The following PSAP variants were observed in gnomAD, a reference collection of about 807,000 sequenced individuals.
The protein encoded by PSAP is precursor of saposins.
Under a neutral mutation model 66.0 loss-of-function variants are expected in PSAP, and 25 were observed. The observed-to-expected ratio is 0.38, with a 90% confidence interval of 0.28 to 0.53. PSAP has a LOEUF of 0.53. PSAP is among the 20% of genes least tolerant of loss of function. The pLI is 0.83. For missense variants in PSAP, 649 were observed against 668.8 expected (o/e 0.97, Z 0.33); for synonymous variants, 273 against 258.9 (o/e 1.05, Z -0.52).
At chr10:71,844,019 C>T (rs1053983452) in intron 1 of PSAP, among the ~76,000 whole-genome samples, 2 of 152,204 alleles carry the variant, frequency 1.3e-5, no homozygotes, top group African/African-American at 4.8e-5. Context: ...TCTGTGTTAG[C>T]ATGAAATTAC....
At chr10:71,822,103 T>C (rs568275230) in intron 7 of PSAP, 96 bp from the exon 8 acceptor site, 9 of 1,574,638 alleles carry the variant, frequency 5.7e-6, no homozygotes, top group South Asian at 4.5e-5. Context: ...GACAGCACCC[T>C]GGGCCCAGGT....
Position 71,827,660 on chromosome 10 carries a change from G to C in PSAP, c.720+354C>G, listed in dbSNP as rs1430154410. On this transcript the variant is annotated intron_variant, in intron 6 of 13. Coordinates refer to ENST00000394936, the MANE Select transcript of PSAP (RefSeq NM_002778.4). ...GAGAATCCCTGGAACCCATGAGGTA[G>C]AGGTTGCAGTGAGCTGAGATCACGC... 8.6e-5 allele frequency among the ~76,000 whole-genome samples: 13 copies of C among 150,678 alleles called. No homozygotes were observed. The South Asian group carries it at 1.0e-3, about 12-fold the overall frequency.
chr10:71,819,194 T>C, intron 11 of PSAP, 83 bp from the exon 12 acceptor site: 5 of 1,277,634 alleles, frequency 3.9e-6, no homozygotes, highest in Non-Finnish European at 4.5e-6. Context: ...AGGCCCTGGA[T>C]ACACTGTTCC....
intron 8 of PSAP, among the ~76,000 whole-genome samples, chr10:71,820,662 C>A (rs1314766296): frequency 6.6e-6 from 1 of 151,556 alleles, no homozygotes; most frequent in African/African-American, 2.4e-5. Flanking sequence ...ATCATTTCAT[C>A]ATTCAGGGTT....
intron 7 of PSAP, among the ~76,000 whole-genome samples, chr10:71,825,180 A>G (rs1231938135): frequency 6.6e-6 from 1 of 152,218 alleles, no homozygotes; most frequent in East Asian, 1.9e-4. Context: ...TGGTATGTCA[A>G]TCTCAAGTAG....
intron 3 of PSAP, among the ~76,000 whole-genome samples, chr10:71,831,573 G>T (rs979926256): frequency 6.6e-6 from 1 of 152,220 alleles, no homozygotes; most frequent in African/African-American, 2.4e-5. Context: ...TAGTCCCGGG[G>T]TCAGCAAAGT....
Position 71,829,044 on chromosome 10 carries a change from G to C in PSAP, c.409C>G (p.Leu137Val), listed in dbSNP as rs377027316. Reference protein sequence around the residue: ...RPGEVCSALNLCESLQKHLAE... With the variant: ...RPGEVCSALNVCESLQKHLAE... The stretch of plus-strand genomic sequence containing the variant: ...AGGTGCTTCTGGAGAGACTCGCAGA[G>C]GTTGAGAGCAGAGCACACCTCCCCA... Residue 137 changes from leucine to valine, a missense_variant, in exon 5 of 14, where the codon CTC becomes GTC. Leu to Val is a conservative substitution (Grantham distance 32). Coordinates refer to ENST00000394936, the MANE Select transcript of PSAP (RefSeq NM_002778.4). 309 of 1,614,152 alleles carry C rather than the reference G, an allele frequency of 1.9e-4. No homozygotes were observed. In the Admixed American group the frequency reaches 5.0e-3, roughly 26 times the overall value.
chr10:71,839,343 G>A (rs141442243), intron 1 of PSAP, among the ~76,000 whole-genome samples: 4 of 152,116 alleles, frequency 2.6e-5, no homozygotes, highest in East Asian at 3.9e-4. Flanking sequence ...GGGTTCAAGC[G>A]ATTCTCCTGC....
At chr10:71,820,445 G>A in intron 8 of PSAP, 110 bp from the exon 9 acceptor site, 1 of 837,922 alleles carries the variant, frequency 1.2e-6, no homozygotes, top group East Asian at 2.4e-5. Context: ...AGCACATCAA[G>A]GGCCACTGCC....
chr10:71,849,639 A>AC (rs1440615497), intron 1 of PSAP, among the ~76,000 whole-genome samples: 1 of 152,098 alleles, frequency 6.6e-6, no homozygotes, highest in East Asian at 1.9e-4. Context: ...AAACAAACAA[A>AC]AAAAAAACGG....
At chr10:71,819,428 G>A (rs2593161) in intron 11 of PSAP, 37 bp downstream of exon 11, 4 of 1,612,216 alleles carry the variant, frequency 2.5e-6, no homozygotes, top group Non-Finnish European at 2.5e-6. Context: ...ATCAGGTTCT[G>A]CCATGCTGGC....
At chr10:71,822,218 A>G (rs1410577679) in intron 7 of PSAP, 1 of 631,270 alleles carries the variant, frequency 1.6e-6, no homozygotes, top group Non-Finnish European at 2.8e-6. Context: ...CATCTCGGGG[A>G]GGAGACCACA....
At chr10:71,837,058 G>T (rs560399806) in intron 1 of PSAP, among the ~76,000 whole-genome samples, 4 of 152,298 alleles carry the variant, frequency 2.6e-5, no homozygotes, top group Non-Finnish European at 5.9e-5. Flanking sequence ...AAAAAGATAC[G>T]CATGGTGGAG....
intron 9 of PSAP, 152 bp downstream of exon 9, chr10:71,820,088 C>A: frequency 1.1e-6 from 1 of 890,902 alleles, no homozygotes. Flanking sequence ...CCTAGAGGTC[C>A]CACTGGTGAG....
At chr10:71,846,410 T>C (rs1160071423) in intron 1 of PSAP, among the ~76,000 whole-genome samples, 6 of 149,100 alleles carry the variant, frequency 4.0e-5, no homozygotes, top group East Asian at 2.0e-4. Context: ...TTTATCATCA[T>C]TGTTTTAAAG....
rs1246858301 is a variant in PSAP, at chr10:71,829,083, G to A, written c.376-6C>T. On this transcript the variant is annotated splice_region_variant and splice_polypyrimidine_tract_variant and intron_variant, in intron 4 of 13. Transcript: ENST00000394936. ...CACACCTCCCCAGGACGGCTCTGGT[G>A]GGATGGAAAGAAGTCCTGCTGAAAA... is the stretch of plus-strand genomic sequence containing the variant. 1.4e-5 allele frequency: 23 copies of A among 1,612,950 alleles called. No individual in the cohort carries two copies. Among genetic ancestry groups the A allele is most frequent in the Non-Finnish European group, 2.0e-5 (23 of 1,179,296 alleles).
intron 1 of PSAP, among the ~76,000 whole-genome samples, chr10:71,849,454 G>A: frequency 6.6e-6 from 1 of 152,100 alleles, no homozygotes; most frequent in Non-Finnish European, 1.5e-5. Context: ...TTGTGGTGGG[G>A]GCTGGGTGCG....
At chr10:71,839,630 G>C (rs1348568192) in intron 1 of PSAP, among the ~76,000 whole-genome samples, 1 of 152,070 alleles carries the variant, frequency 6.6e-6, no homozygotes, top group Admixed American at 6.6e-5. Context: ...TGAGGCAGGA[G>C]AATCATTTTG....
At chr10:71,819,983 G>C (rs1284425376) in intron 9 of PSAP, 83 bp from the exon 10 acceptor site, 1 of 1,250,734 alleles carries the variant, frequency 8.0e-7, no homozygotes, top group Non-Finnish European at 1.1e-6. Context: ...AACATGGCCA[G>C]GAAATGAGTC....
Sources: allele counts gnomAD v4.1 joint callset (sites outside exome capture counted in the v4.1 genomes callset), GRCh38; gene constraint gnomAD v4.1.1; transcripts MANE v1.5; gene names NCBI Gene and HGNC (gene_info 2026-07-23, HGNC 2026-07-21).